MTA3: variants seen among roughly 807,000 people sequenced by gnomAD.
MTA3 encodes metastasis associated 1 family member 3.
MTA3 carries 34 observed loss-of-function variants against 83.5 expected under a neutral mutation model. The ratio of observed to expected loss-of-function variants is 0.41; its 90% confidence interval spans 0.31 to 0.54. MTA3 has a LOEUF of 0.54. MTA3 is among the 20% of genes least tolerant of loss of function. MTA3 has a pLI of 0.33. For synonymous variants in MTA3, 303 were observed against 252.7 expected (o/e 1.20, Z -1.89); for missense variants, 761 against 726.4 (o/e 1.05, Z -0.55).
At chr2:42,554,042 T>C (rs1677262010) in intron 2 of MTA3, among the ~76,000 whole-genome samples, 1 of 151,992 alleles carries the variant, frequency 6.6e-6, no homozygotes, top group Non-Finnish European at 1.5e-5. Context: ...GAGACCAGCC[T>C]GACCAACATG....
At chr2:42,567,082 A>C (rs1677947760), upstream of MTA3, among the ~76,000 whole-genome samples, 1 of 152,092 alleles carries the variant, frequency 6.6e-6, no homozygotes. Context: ...AGAATTTGAC[A>C]CATGGCTCAG....
At chr2:42,495,509 C>G (rs73930422) in intron 2 of MTA3, among the ~76,000 whole-genome samples, 2,303 of 152,068 alleles carry the variant, frequency 0.015, 64 homozygotes, top group African/African-American at 0.052. Context: ...AGATATTAAA[C>G]AAGAAAAATA....
At chr2:42,623,911 C>T (rs1240152672) in intron 4 of MTA3, among the ~76,000 whole-genome samples, 1 of 152,012 alleles carries the variant, frequency 6.6e-6, no homozygotes, top group Non-Finnish European at 1.5e-5. Flanking sequence ...CAGCTGGTCT[C>T]GAACTCCTGA....
intron 8 of MTA3, among the ~76,000 whole-genome samples, chr2:42,667,104 A>G (rs948018596): frequency 7.9e-5 from 12 of 152,132 alleles, no homozygotes; most frequent in African/African-American, 2.4e-4. Context: ...AGATGGGGTC[A>G]TGCTGTGTTG....
intron 10 of MTA3, among the ~76,000 whole-genome samples, chr2:42,696,764 A>G (rs1366004405): frequency 6.6e-6 from 1 of 152,150 alleles, no homozygotes; most frequent in Non-Finnish European, 1.5e-5. Context: ...ATTGAAAACA[A>G]AAAGTACCAT....
intron 8 of MTA3, among the ~76,000 whole-genome samples, chr2:42,674,416 A>C (rs1691137826): frequency 6.6e-6 from 1 of 152,236 alleles, no homozygotes. Flanking sequence ...GAATGAGATG[A>C]AATGTGACAA....
At chr2:42,500,632 A>AT (rs1273641101) in intron 2 of MTA3, among the ~76,000 whole-genome samples, 1 of 151,854 alleles carries the variant, frequency 6.6e-6, no homozygotes, top group African/African-American at 2.4e-5. Flanking sequence ...GAGGGGAAAA[A>AT]TTTTTTCCTC....
intron 16 of MTA3, among the ~76,000 whole-genome samples, chr2:42,730,411 G>T (rs1403772055): frequency 6.6e-6 from 1 of 152,076 alleles, no homozygotes; most frequent in Non-Finnish European, 1.5e-5. Flanking sequence ...GTTTTTTAAG[G>T]ATTTTTATCA....
At chr2:42,699,294 T>C (rs1693652467) in intron 11 of MTA3, among the ~76,000 whole-genome samples, 1 of 152,146 alleles carries the variant, frequency 6.6e-6, no homozygotes, top group African/African-American at 2.4e-5. Context: ...CTCAACCTCC[T>C]GGGCTCAAGC....
At chr2:42,625,730 G>A (rs1479203460) in intron 4 of MTA3, among the ~76,000 whole-genome samples, 9 of 137,602 alleles carry the variant, frequency 6.5e-5, no homozygotes, top group Admixed American at 3.7e-4. Flanking sequence ...CTGGGTAACA[G>A]AGCGAGACTC....
At chr2:42,750,782 G>T (rs970257246) in intron 16 of MTA3, among the ~76,000 whole-genome samples, 2 of 152,216 alleles carry the variant, frequency 1.3e-5, no homozygotes, top group Admixed American at 6.5e-5. Context: ...CCCTAGGCCT[G>T]AAACGGTTTT....
At chr2:42,659,930 T>C (rs1689515193) in intron 8 of MTA3, 68 bp downstream of exon 8, 2 of 1,267,830 alleles carry the variant, frequency 1.6e-6, no homozygotes, top group Admixed American at 4.8e-5. Flanking sequence ...AAAGCCATTG[T>C]GGCAATACTG....
chr2:42,716,429 A>C (rs1300315407), intron 14 of MTA3, among the ~76,000 whole-genome samples: 1 of 152,058 alleles, frequency 6.6e-6, no homozygotes, highest in Non-Finnish European at 1.5e-5. Context: ...TCATCATCCA[A>C]TTATTAAGCC....
At chr2:42,599,605 GAGT>G (rs538549355) in intron 3 of MTA3, among the ~76,000 whole-genome samples, 92 of 151,874 alleles carry the variant, frequency 6.1e-4, no homozygotes, top group Non-Finnish European at 1.2e-3. Flanking sequence ...AAAAAGAAAA[GAGT>G]AGTGGTAATT....
At chr2:42,578,318 G>T (rs11124884) in intron 2 of MTA3, among the ~76,000 whole-genome samples, 52,792 of 151,966 alleles carry the variant, frequency 0.35, 9,383 homozygotes, top group Middle Eastern at 0.48. Context: ...AGGAGCCTGG[G>T]CCCCAGCTGC....
At chr2:42,652,724 AT>A (rs1688828485) in intron 6 of MTA3, among the ~76,000 whole-genome samples, 2 of 152,224 alleles carry the variant, frequency 1.3e-5, no homozygotes, top group South Asian at 4.1e-4. Flanking sequence ...CTCCAATTTT[AT>A]TTCCTAGTGT....
intron 6 of MTA3, among the ~76,000 whole-genome samples, chr2:42,650,957 T>C (rs1291302713): frequency 1.3e-5 from 2 of 152,220 alleles, no homozygotes; most frequent in African/African-American, 2.4e-5. Flanking sequence ...TTCATTGCTG[T>C]GCCAACATCA....
At chr2:42,691,100 C>T (rs1692852397) in intron 9 of MTA3, among the ~76,000 whole-genome samples, 1 of 152,146 alleles carries the variant, frequency 6.6e-6, no homozygotes, top group East Asian at 1.9e-4. Context: ...TGGTCTTGAA[C>T]TCCTGGCCTC....
chr2:42,499,898 A>C (rs1674318764), intron 2 of MTA3, among the ~76,000 whole-genome samples: 1 of 152,114 alleles, frequency 6.6e-6, no homozygotes, highest in Non-Finnish European at 1.5e-5. Flanking sequence ...AAGAAGTTGT[A>C]TACATGAAAT....
Sources: allele counts gnomAD v4.1 joint callset (sites outside exome capture counted in the v4.1 genomes callset), GRCh38; gene constraint gnomAD v4.1.1; transcripts MANE v1.5; gene names NCBI Gene and HGNC (gene_info 2026-07-23, HGNC 2026-07-21).